The following DOCK4 variants were observed in gnomAD, a reference collection of about 807,000 sequenced individuals.
DOCK4 encodes the protein dedicator of cytokinesis 4, also known as dedicator of cytokinesis protein 4.
A neutral mutation model predicts 268.1 loss-of-function variants in DOCK4; 97 were observed. The observed-to-expected ratio is 0.36, with a 90% confidence interval of 0.31 to 0.43. The LOEUF (loss-of-function observed/expected upper bound fraction) is 0.43, where lower values mean the gene tolerates loss of function less well. Ranked by LOEUF, DOCK4 falls within the 20% of genes least tolerant of loss-of-function variation. The pLI is 1.00. For synonymous variants in DOCK4, 954 were observed against 887.2 expected, an observed-to-expected ratio of 1.08 and a Z score of -1.34; for missense variants, 2,145 against 2,455.7, an observed-to-expected ratio of 0.87 and a Z score of 2.67.
intron 1 of DOCK4, among the ~76,000 whole-genome samples, chr7:112,061,318 A>G (rs1256510304): frequency 6.6e-6 from 1 of 152,150 alleles, no homozygotes; most frequent in Non-Finnish European, 1.5e-5. Context: ...TGAGGATTGC[A>G]AAGGTGGGTC....
intron 8 of DOCK4, among the ~76,000 whole-genome samples, chr7:111,962,853 T>C (rs1177610917): frequency 2.6e-5 from 4 of 152,178 alleles, no homozygotes; most frequent in Non-Finnish European, 5.9e-5. Flanking sequence ...GGAAACCTCA[T>C]CTGTACTTAA....
intron 1 of DOCK4, among the ~76,000 whole-genome samples, chr7:112,160,414 CCAAAGACAGTA>C (rs1817007689): frequency 6.6e-6 from 1 of 152,160 alleles, no homozygotes; most frequent in East Asian, 1.9e-4. Context: ...CCACAGGAAT[CCAAAGACAGTA>C]CAAACCACAT....
At position 111,760,235 on chromosome 7, in the gene DOCK4, C is replaced by A; in HGVS notation, c.4108G>T (p.Ala1370Ser). The stretch of plus-strand genomic sequence containing the variant: ...TCGGGCTGGTTGGCGTGCTGCATGG[C>A]GATGGCATGGGGGAACTCGTTCAGC... ...RMLNEFPHAI[A>S]MQHANQPDET... Residue 1370 changes from alanine to serine, a missense_variant, in exon 40 of 53, where the codon GCC becomes TCC. Ala to Ser is a moderately conservative substitution (Grantham distance 99). Coordinates refer to ENST00000428084, the MANE Select transcript of DOCK4 (RefSeq NM_001363540.2). 6.2e-7 allele frequency: 1 copy of A among 1,613,942 alleles called. No individual in the cohort carries two copies. Among genetic ancestry groups the A allele is most frequent in the Non-Finnish European group, 8.5e-7 (1 of 1,179,872 alleles).
intron 30 of DOCK4, among the ~76,000 whole-genome samples, chr7:111,796,468 T>G (rs1202167791): frequency 6.6e-6 from 1 of 152,248 alleles, no homozygotes; most frequent in Non-Finnish European, 1.5e-5. Context: ...ATGAGGAAAG[T>G]TCTGCCTTCA....
Position 111,750,927 on chromosome 7 carries a change from T to C in DOCK4, c.4417-3484A>G, listed in dbSNP as rs149800210. On this transcript the variant is annotated intron_variant, in intron 42 of 52. Transcript: ENST00000428084. ...AAACAAAAACCCCTCCAGTCGCTTT[T>C]GTAGAATACAGCATTATCTTTCCTG... Among the ~76,000 whole-genome samples the C allele has an allele frequency of 4.8e-3, 725 of 152,372 alleles. 8 individuals are homozygous for C. Among genetic ancestry groups the C allele is most frequent in the African/African-American group, 0.016 (679 of 41,586 alleles).
intron 8 of DOCK4, among the ~76,000 whole-genome samples, chr7:111,961,118 G>A (rs1796854255): frequency 6.6e-6 from 1 of 151,916 alleles, no homozygotes; most frequent in South Asian, 2.1e-4. Flanking sequence ...CTCACTTTCA[G>A]TCCTCAGCTC....
intron 47 of DOCK4, among the ~76,000 whole-genome samples, chr7:111,740,593 C>T (rs1368952960): frequency 1.3e-5 from 2 of 150,482 alleles, no homozygotes; most frequent in African/African-American, 2.4e-5. Context: ...ATTAGTCGGG[C>T]GTGGTGGTAC....
chr7:112,043,903 G>A (rs1359065883), intron 1 of DOCK4, among the ~76,000 whole-genome samples: 1 of 151,900 alleles, frequency 6.6e-6, no homozygotes, highest in Non-Finnish European at 1.5e-5. Context: ...TTAAAGAAAA[G>A]ACTTTCTGAA....
chr7:111,908,636 C>T (rs767514417), intron 13 of DOCK4, among the ~76,000 whole-genome samples: 1 of 151,960 alleles, frequency 6.6e-6, no homozygotes, highest in Non-Finnish European at 1.5e-5. Flanking sequence ...TGCCTATCAA[C>T]CCGTCATCTA....
chr7:111,862,177 T>C (rs1041592203), intron 23 of DOCK4, among the ~76,000 whole-genome samples: 4 of 151,870 alleles, frequency 2.6e-5, no homozygotes, highest in Admixed American at 6.5e-5. Flanking sequence ...TGTGTGCCTA[T>C]AATCCCAGCT....
intron 1 of DOCK4, among the ~76,000 whole-genome samples, chr7:112,128,299 G>T (rs1813436600): frequency 1.3e-5 from 2 of 151,270 alleles, no homozygotes; most frequent in South Asian, 2.1e-4. Context: ...AGGTGGGGGG[G>T]GTCAGCCCCC....
chr7:111,827,021 A>C (rs943134344), intron 26 of DOCK4, among the ~76,000 whole-genome samples: 1 of 152,224 alleles, frequency 6.6e-6, no homozygotes, highest in Non-Finnish European at 1.5e-5. Flanking sequence ...ACAAAGCATC[A>C]TGAGGCTGCT....
chr7:111,728,152 T>C lies in DOCK4; in HGVS notation c.*122A>G, dbSNP rs77723713. On this transcript the variant is annotated 3_prime_UTR_variant, in exon 53 of 53. Transcript: ENST00000428084. ...CAACATGATATTTAATAAGCAAGTT[T>C]TAATTCCATTCATCGAAGGAGCTGA... 627 of 720,828 alleles carry C rather than the reference T, an allele frequency of 8.7e-4. No homozygotes were observed. Among genetic ancestry groups the C allele is most frequent in the Non-Finnish European group, 1.1e-3 (560 of 508,610 alleles). 44.7% of individuals were successfully genotyped at this position (720,828 alleles called of 1,614,324 possible).
intron 38 of DOCK4, 70 bp downstream of exon 38, chr7:111,766,962 T>C (rs1451874299): frequency 8.1e-7 from 1 of 1,236,330 alleles, no homozygotes; most frequent in Non-Finnish European, 1.2e-6. Context: ...GTTAATTTCA[T>C]AGAACCACAC....
At chr7:112,072,786 A>G (rs189554758) in intron 1 of DOCK4, among the ~76,000 whole-genome samples, 2 of 152,348 alleles carry the variant, frequency 1.3e-5, no homozygotes, top group Admixed American at 6.5e-5. Flanking sequence ...TCAGAAGCTG[A>G]GCAAGTGGTC....
chr7:111,793,368 GT>G (rs1799682896), intron 30 of DOCK4, among the ~76,000 whole-genome samples: 1 of 152,232 alleles, frequency 6.6e-6, no homozygotes, highest in African/African-American at 2.4e-5. Flanking sequence ...CATTACAGCA[GT>G]CAAAGCAATG....
At position 111,980,427 on chromosome 7, in the gene DOCK4, A is replaced by C. The variant is rs6956136; in HGVS notation, c.550-3144T>G. On this transcript the variant is annotated intron_variant, in intron 7 of 52. Coordinates refer to ENST00000428084, the MANE Select transcript of DOCK4 (RefSeq NM_001363540.2). ...GTGGCTACAAATGCACCTATCAGTT[A>C]CTCTAACTGTGCTTAACAGTTGAAC... 5.7e-3 allele frequency among the ~76,000 whole-genome samples: 862 copies of C among 152,326 alleles called. 3 individuals are homozygous for C. The highest frequency in any genetic ancestry group is 9.3e-3 in the Non-Finnish European group (632 of 68,042).
intron 25 of DOCK4, among the ~76,000 whole-genome samples, chr7:111,839,182 CT>C (rs1348824659): frequency 6.6e-6 from 1 of 152,096 alleles, no homozygotes; most frequent in Non-Finnish European, 1.5e-5. Context: ...GAAAATACAC[CT>C]GAGGTTTTTG....
intron 16 of DOCK4, among the ~76,000 whole-genome samples, chr7:111,892,572 C>T (rs1808379956): frequency 6.6e-6 from 1 of 152,166 alleles, no homozygotes; most frequent in Admixed American, 6.5e-5. Context: ...CCAGCTCTTC[C>T]CCACTTCCCC....
Sources: allele counts gnomAD v4.1 joint callset (sites outside exome capture counted in the v4.1 genomes callset), GRCh38; gene constraint gnomAD v4.1.1; transcripts MANE v1.5; gene names NCBI Gene and HGNC (gene_info 2026-07-23, HGNC 2026-07-21).